MAPK10: variants seen among roughly 807,000 people sequenced by gnomAD.
MAPK10 encodes the protein JNK3 alpha protein kinase.
In MAPK10, 25 loss-of-function variants were observed where a neutral mutation model predicts 59.3. That is an observed-to-expected ratio of 0.42 (90% CI 0.31 to 0.59). The LOEUF (loss-of-function observed/expected upper bound fraction) is 0.59. Among genes scored for constraint, MAPK10 ranks in the 20% least tolerant of loss-of-function variants. MAPK10 has a pLI of 0.15. For missense variants in MAPK10, 351 were observed against 568.9 expected (o/e 0.62, Z 3.90); for synonymous variants, 190 against 200.5 (o/e 0.95, Z 0.44).
intron 1 of MAPK10, among the ~76,000 whole-genome samples, chr4:86,480,421 ACT>A (rs770056236): frequency 1.8e-4 from 28 of 151,608 alleles, no homozygotes; most frequent in Non-Finnish European, 3.5e-4. Flanking sequence ...CTCTTCACTG[ACT>A]CTCTTTTCAG....
chr4:86,111,496 G>T (rs914049626), intron 4 of MAPK10, among the ~76,000 whole-genome samples: 1 of 152,076 alleles, frequency 6.6e-6, no homozygotes, highest in Non-Finnish European at 1.5e-5. Flanking sequence ...TGTGTTTTTT[G>T]TCTTTAGTTC....
intron 1 of MAPK10, among the ~76,000 whole-genome samples, chr4:86,538,121 T>C (rs936268375): frequency 6.6e-6 from 1 of 152,116 alleles, no homozygotes; most frequent in Non-Finnish European, 1.5e-5. Flanking sequence ...AATCCCACAT[T>C]GTGTTAATTA....
intron 2 of MAPK10, among the ~76,000 whole-genome samples, chr4:86,318,481 G>A (rs182197650): frequency 4.9e-4 from 75 of 152,186 alleles, no homozygotes; most frequent in Middle Eastern, 3.4e-3. Flanking sequence ...TGCCCCATGC[G>A]TTTTAAAGTA....
chr4:86,518,740 G>A (rs1039900659), intron 1 of MAPK10, among the ~76,000 whole-genome samples: 5 of 151,330 alleles, frequency 3.3e-5, no homozygotes, highest in East Asian at 1.9e-4. Context: ...ACTTTTTAAC[G>A]TAGGCATTTA....
chr4:86,272,419 T>TG lies in MAPK10; in HGVS notation c.-6-78013_-6-78012insC, dbSNP rs573574027. Among the ~76,000 whole-genome samples the TG allele has an allele frequency of 5.8e-3, 880 of 152,176 alleles. 6 individuals carry two copies. The highest frequency in any genetic ancestry group is 0.02 in the African/African-American group (828 of 41,540). ...CTATCTCAAGGTAAAAAATATATATTATTTTTTCTAAATGTTTTATGATTT... is the reference window on the plus strand; with the variant it reads ...CTATCTCAAGGTAAAAAATATATATTGATTTTTTCTAAATGTTTTATGATTT... On this transcript the variant is annotated intron_variant, in intron 2 of 13. Coordinates refer to ENST00000641462, the MANE Select transcript of MAPK10 (RefSeq NM_138982.4).
chr4:86,267,563 T>C (rs1212996801), intron 2 of MAPK10, among the ~76,000 whole-genome samples: 1 of 152,160 alleles, frequency 6.6e-6, no homozygotes, highest in African/African-American at 2.4e-5. Context: ...AAATGATCTG[T>C]TCCCTGCCTC....
chr4:86,051,921 C>T (rs902197517), intron 11 of MAPK10, among the ~76,000 whole-genome samples: 2 of 151,698 alleles, frequency 1.3e-5, no homozygotes, highest in Admixed American at 6.6e-5. Flanking sequence ...TGAGTGCTTC[C>T]GAAAAACAAA....
chr4:86,204,089 G>GT, intron 2 of MAPK10, among the ~76,000 whole-genome samples: 1 of 151,952 alleles, frequency 6.6e-6, no homozygotes, highest in East Asian at 2.0e-4. Context: ...GCAAAACTGA[G>GT]TAATCGTGAG....
chr4:86,260,546 A>C (rs2093946401), intron 2 of MAPK10, among the ~76,000 whole-genome samples: 2 of 152,110 alleles, frequency 1.3e-5, no homozygotes, highest in Non-Finnish European at 2.9e-5. Flanking sequence ...AGTCCATTGA[A>C]GTTCAAGGGA....
chr4:86,186,763 T>A (rs924473822), intron 3 of MAPK10, among the ~76,000 whole-genome samples: 1 of 152,102 alleles, frequency 6.6e-6, no homozygotes, highest in African/African-American at 2.4e-5. Context: ...GAAAGCACTG[T>A]CAATTATATA....
intron 3 of MAPK10, among the ~76,000 whole-genome samples, chr4:86,171,316 A>T (rs2074054789): frequency 6.6e-6 from 1 of 152,200 alleles, no homozygotes; most frequent in African/African-American, 2.4e-5. Flanking sequence ...AACAAAATTG[A>T]TAGACTGCTA....
intron 2 of MAPK10, among the ~76,000 whole-genome samples, chr4:86,348,356 G>T (rs1161184423): frequency 6.6e-6 from 1 of 152,154 alleles, no homozygotes; most frequent in Non-Finnish European, 1.5e-5. Flanking sequence ...TAGTATTGCT[G>T]TCAGGCTCAA....
intron 9 of MAPK10, among the ~76,000 whole-genome samples, chr4:86,072,458 C>A (rs1642358883): frequency 7.5e-6 from 1 of 134,134 alleles, no homozygotes; most frequent in Non-Finnish European, 1.6e-5. Flanking sequence ...AGAGGGCATC[C>A]CTGTCTTGTG....
chr4:86,459,209 G>A (rs564880410), intron 1 of MAPK10, among the ~76,000 whole-genome samples: 64 of 152,276 alleles, frequency 4.2e-4, no homozygotes, highest in African/African-American at 1.3e-3. Context: ...AAACCACAAT[G>A]CAATACCACC....
intron 1 of MAPK10, among the ~76,000 whole-genome samples, chr4:86,479,869 T>TCC: frequency 6.6e-6 from 1 of 151,622 alleles, no homozygotes; most frequent in Non-Finnish European, 1.5e-5. Context: ...CCCCACAATA[T>TCC]CCCCCCTTAC....
At chr4:86,586,761 T>C (rs994075219) in intron 1 of MAPK10, among the ~76,000 whole-genome samples, 7 of 152,122 alleles carry the variant, frequency 4.6e-5, no homozygotes, top group Non-Finnish European at 1.0e-4. Context: ...CTCTAATAAG[T>C]GTAACTGACT....
intron 1 of MAPK10, among the ~76,000 whole-genome samples, chr4:86,487,362 A>AGTATGTGTGTGT (rs1754078030): frequency 6.7e-6 from 1 of 148,718 alleles, no homozygotes; most frequent in Non-Finnish European, 1.5e-5. Flanking sequence ...AGAGAGAGAG[A>AGTATGTGTGTGT]GTGTGTGTGT....
chr4:86,182,095 C>G (rs1231842108), intron 3 of MAPK10, among the ~76,000 whole-genome samples: 1 of 151,814 alleles, frequency 6.6e-6, no homozygotes, highest in Admixed American at 6.6e-5. Flanking sequence ...TGAATTAATA[C>G]CAGTGCAAAC....
chr4:86,275,394 T>C (rs2094543786), intron 2 of MAPK10, among the ~76,000 whole-genome samples: 1 of 152,044 alleles, frequency 6.6e-6, no homozygotes, highest in Non-Finnish European at 1.5e-5. Flanking sequence ...GGAAATGATG[T>C]AGTCCACTTC....
Sources: allele counts gnomAD v4.1 joint callset (sites outside exome capture counted in the v4.1 genomes callset), GRCh38; gene constraint gnomAD v4.1.1; transcripts MANE v1.5; gene names NCBI Gene and HGNC (gene_info 2026-07-23, HGNC 2026-07-21).